TACR3: variants seen among roughly 807,000 people sequenced by gnomAD.
The protein encoded by TACR3 is tachykinin receptor 3.
In TACR3, 34 loss-of-function variants were observed where a neutral mutation model predicts 35.0. The observed-to-expected ratio is 0.97, with a 90% CI of 0.74 to 1.30. The LOEUF (loss-of-function observed/expected upper bound fraction) is 1.30, where lower values mean the gene tolerates loss of function less well. Ranked by LOEUF, TACR3 falls within the 50% of genes most tolerant of loss-of-function variation. TACR3 has a pLI of 0.00. For synonymous variants in TACR3, 233 were observed against 221.1 expected, an observed-to-expected ratio of 1.05 and a Z score of -0.48; for missense variants, 558 against 591.7, an observed-to-expected ratio of 0.94 and a Z score of 0.59.
At chr4:103,636,022 C>A (rs1278015612) in intron 3 of TACR3, among the ~76,000 whole-genome samples, 1 of 151,912 alleles carries the variant, frequency 6.6e-6, no homozygotes, top group African/African-American at 2.4e-5. Context: ...ACTTTGTGCT[C>A]ATTTGGCTTA....
chr4:103,661,820 T>G (rs1725841315), intron 1 of TACR3, among the ~76,000 whole-genome samples: 1 of 152,198 alleles, frequency 6.6e-6, no homozygotes. Context: ...TCATAGCTGG[T>G]CTGATCCATG....
intron 1 of TACR3, among the ~76,000 whole-genome samples, chr4:103,687,315 C>A (rs995765742): frequency 1.3e-5 from 2 of 152,094 alleles, no homozygotes; most frequent in Non-Finnish European, 2.9e-5. Context: ...AAACTGGAAG[C>A]ATTCCCTTTG....
In TACR3 at chr4:103,591,542, G is replaced by A; in HGVS notation, c.1030C>T (p.Leu344=). ...IQQVYLASFW[L]AMSSTMYNPI... ...TTGTACATGGTTGAGCTCATTGCCAGCCAAAAGCTAGCCAGGTAGACCTGC... is the reference window on the plus strand; with the variant it reads ...TTGTACATGGTTGAGCTCATTGCCAACCAAAAGCTAGCCAGGTAGACCTGC... The change falls in exon 4 of 5, where the codon CTG becomes TTG. Residue 344 remains leucine (L), a synonymous_variant. Coordinates refer to ENST00000304883, the MANE Select transcript of TACR3 (RefSeq NM_001059.3). 1 of 1,613,906 alleles carries A rather than the reference G, an allele frequency of 6.2e-7. No individual in the cohort carries two copies.
chr4:103,604,937 G>A (rs1322302245), intron 3 of TACR3, among the ~76,000 whole-genome samples: 2 of 147,872 alleles, frequency 1.4e-5, no homozygotes, highest in Admixed American at 6.7e-5. Context: ...CCACTAACTC[G>A]TCATCTAGCA....
At chr4:103,649,162 G>C (rs1321603140) in intron 3 of TACR3, among the ~76,000 whole-genome samples, 1 of 152,034 alleles carries the variant, frequency 6.6e-6, no homozygotes, top group Admixed American at 6.6e-5. Flanking sequence ...AGTTGTTTGA[G>C]TTACTGATAT....
chr4:103,666,927 AT>A (rs1204547749), intron 1 of TACR3, among the ~76,000 whole-genome samples: 1 of 152,276 alleles, frequency 6.6e-6, no homozygotes, highest in East Asian at 1.9e-4. Context: ...GAGCTGCTTC[AT>A]AAAGTCACTT....
intron 1 of TACR3, among the ~76,000 whole-genome samples, chr4:103,684,013 T>C (rs1313544140): frequency 6.6e-6 from 1 of 152,054 alleles, no homozygotes; most frequent in Non-Finnish European, 1.5e-5. Context: ...GAAAAAAAAT[T>C]TGATGAAGTT....
At position 103,694,382 on chromosome 4, in the gene TACR3, A is replaced by T. The variant is rs1010450914; in HGVS notation, c.548+24746T>A. 1.9e-4 allele frequency among the ~76,000 whole-genome samples: 28 copies of T among 144,404 alleles called. 3 individuals are homozygous for T. Among genetic ancestry groups the T allele is most frequent in the African/African-American group, 7.6e-4 (26 of 34,070 alleles). 94.7% of individuals were successfully genotyped at this position (144,404 alleles called of 152,430 possible). A position where few individuals can be genotyped will look rare whatever the true frequency, so the allele number is the denominator to read the frequency against. ...ATGGTAGTTAGTCAACAACCCAGCC[A>T]TTGTTGAGACAATGCCAGCCTGAGT... On this transcript the variant is annotated intron_variant, in intron 1 of 4. Transcript: ENST00000304883.
intron 3 of TACR3, among the ~76,000 whole-genome samples, chr4:103,608,171 A>G (rs1253881431): frequency 3.9e-5 from 6 of 152,152 alleles, no homozygotes; most frequent in African/African-American, 1.2e-4. Context: ...GTGCTCATCG[A>G]TAATAGATTG....
At chr4:103,644,560 A>G (rs1286208245) in intron 3 of TACR3, among the ~76,000 whole-genome samples, 1 of 151,800 alleles carries the variant, frequency 6.6e-6, no homozygotes, top group Non-Finnish European at 1.5e-5. Flanking sequence ...ATGAAAAATA[A>G]TTGGTAAATA....
chr4:103,656,147 T>C (rs201143814), intron 3 of TACR3, 47 bp downstream of exon 3: 15 of 1,609,294 alleles, frequency 9.3e-6, no homozygotes, highest in African/African-American at 1.3e-5. Context: ...TTCTTTCTGA[T>C]ATACCATAAC....
At chr4:103,614,393 G>A (rs1724585003) in intron 3 of TACR3, among the ~76,000 whole-genome samples, 1 of 152,000 alleles carries the variant, frequency 6.6e-6, no homozygotes, top group Non-Finnish European at 1.5e-5. Flanking sequence ...ATATTCTAAG[G>A]TCTAGGTTTT....
chr4:103,619,335 A>G (rs931157448), intron 3 of TACR3, among the ~76,000 whole-genome samples: 1 of 152,012 alleles, frequency 6.6e-6, no homozygotes, highest in Non-Finnish European at 1.5e-5. Flanking sequence ...GATTGCAGAC[A>G]CCTGCCACCA....
intron 3 of TACR3, among the ~76,000 whole-genome samples, chr4:103,621,272 A>C (rs999347866): frequency 2.0e-5 from 3 of 152,202 alleles, no homozygotes; most frequent in Admixed American, 2.0e-4. Flanking sequence ...GCCTCCTTCT[A>C]GTATTACGAA....
intron 3 of TACR3, among the ~76,000 whole-genome samples, chr4:103,629,026 C>T (rs532973541): frequency 6.6e-6 from 1 of 152,132 alleles, no homozygotes; most frequent in Non-Finnish European, 1.5e-5. Context: ...TACACAGAAC[C>T]AATGACAAAA....
At chr4:103,712,058 G>C (rs530251502) in intron 1 of TACR3, among the ~76,000 whole-genome samples, 20 of 152,226 alleles carry the variant, frequency 1.3e-4, no homozygotes, top group Admixed American at 1.3e-3. Context: ...TTGTGAAAAT[G>C]GCCATACTGC....
intron 3 of TACR3, among the ~76,000 whole-genome samples, chr4:103,638,357 T>C (rs1250463675): frequency 6.6e-6 from 1 of 151,964 alleles, no homozygotes; most frequent in Non-Finnish European, 1.5e-5. Flanking sequence ...CCCTATTTAA[T>C]CAATGGTGCT....
Position 103,637,273 on chromosome 4 carries a change from A to G in TACR3, c.888+18921T>C, listed in dbSNP as rs546875631. On this transcript the variant is annotated intron_variant, in intron 3 of 4. Coordinates refer to ENST00000304883, the MANE Select transcript of TACR3 (RefSeq NM_001059.3). ...GTGGGCTTCATCCCTGGGATGCAAGACTGGTTCAACATACCCAAATCAATA... is the reference window on the plus strand; with the variant it reads ...GTGGGCTTCATCCCTGGGATGCAAGGCTGGTTCAACATACCCAAATCAATA... Among the ~76,000 whole-genome samples, 7 of 152,142 alleles carry G rather than the reference A, an allele frequency of 4.6e-5. 1 individual carries two copies. The Middle Eastern group carries it at 0.014, about 296-fold the overall frequency.
At chr4:103,638,082 A>T (rs1385916207) in intron 3 of TACR3, among the ~76,000 whole-genome samples, 2 of 152,218 alleles carry the variant, frequency 1.3e-5, no homozygotes, top group African/African-American at 2.4e-5. Context: ...AGAATTGGAA[A>T]AAACTACTTT....
Sources: allele counts gnomAD v4.1 joint callset (sites outside exome capture counted in the v4.1 genomes callset), GRCh38; gene constraint gnomAD v4.1.1; transcripts MANE v1.5; gene names NCBI Gene and HGNC (gene_info 2026-07-23, HGNC 2026-07-21).